Variants in PCDHA4 observed in about 807,000 individuals in gnomAD.
PCDHA4 encodes protocadherin alpha 4.
Under a neutral mutation model 61.4 loss-of-function variants are expected in PCDHA4, and 49 were observed. The ratio of observed to expected loss-of-function variants is 0.80; its 90% confidence interval spans 0.63 to 1.01. PCDHA4 has a LOEUF of 1.01. Ranked by LOEUF, PCDHA4 falls within the 50% of genes least tolerant of loss-of-function variation. The pLI is 0.00. For missense variants in PCDHA4, 1,254 were observed against 1,235.8 expected (o/e 1.01, Z -0.22); for synonymous variants, 590 against 550.3 (o/e 1.07, Z -1.01).
chr5:140,973,450 T>C (rs1326852534), intron 1 of PCDHA4, among the ~76,000 whole-genome samples: 1 of 152,250 alleles, frequency 6.6e-6, no homozygotes, highest in Non-Finnish European at 1.5e-5. Context: ...TTATAATGAC[T>C]GGGGCTGTTT....
chr5:140,985,228 C>G (rs1022229644), intron 3 of PCDHA4, among the ~76,000 whole-genome samples: 4 of 152,156 alleles, frequency 2.6e-5, no homozygotes, highest in Non-Finnish European at 4.4e-5. Context: ...TGAGCCACCG[C>G]GCCTGGCCTA....
At chr5:140,856,242 T>C (rs1202551683) in intron 1 of PCDHA4, 3 of 1,597,874 alleles carry the variant, frequency 1.9e-6, no homozygotes, top group Admixed American at 1.7e-5. Flanking sequence ...CTGTTCCGGG[T>C]GGCGTCCAAA....
intron 1 of PCDHA4, among the ~76,000 whole-genome samples, chr5:140,944,948 A>T (rs1425847139): frequency 6.6e-6 from 1 of 152,200 alleles, no homozygotes; most frequent in African/African-American, 2.4e-5. Context: ...ATGATTGTGA[A>T]TAAGAGTATT....
intron 1 of PCDHA4, among the ~76,000 whole-genome samples, chr5:140,962,929 A>T (rs1386992197): frequency 1.3e-5 from 2 of 152,070 alleles, no homozygotes; most frequent in Non-Finnish European, 2.9e-5. Context: ...ATACTTCTCA[A>T]CCTCCTCTCC....
intron 1 of PCDHA4, chr5:140,851,731 T>C (rs1554145521): frequency 3.1e-6 from 3 of 971,456 alleles, no homozygotes; most frequent in African/African-American, 3.5e-5. Flanking sequence ...TCGAGTTCTT[T>C]TGAAATTCAG....
chr5:140,827,582 C>A (rs1466478514), intron 1 of PCDHA4, among the ~76,000 whole-genome samples: 2 of 152,094 alleles, frequency 1.3e-5, no homozygotes, highest in African/African-American at 4.8e-5. Context: ...ATAGCATGTC[C>A]TAGGAAAGAC....
In PCDHA4 at chr5:140,842,941, G is replaced by T. The variant is rs1388720747; in HGVS notation, c.2385+33369G>T. 6 of 1,594,648 alleles carry T rather than the reference G, an allele frequency of 3.8e-6. No homozygotes were observed. The East Asian group carries it at 8.9e-5, about 24-fold the overall frequency. ...AGTTCCAGGTGAGCGCGCGCGACGC[G>T]GGCGTGCCGCCTCTGGGCAGCAACG... On this transcript the variant is annotated intron_variant, in intron 1 of 3. Coordinates refer to ENST00000530339, the MANE Select transcript of PCDHA4 (RefSeq NM_018907.4).
At chr5:140,850,907 T>A (rs2150501889) in intron 1 of PCDHA4, 1 of 1,548,270 alleles carries the variant, frequency 6.5e-7, no homozygotes, top group East Asian at 2.3e-5. Flanking sequence ...TTTCTAGCAT[T>A]TTATTTATTT....
At chr5:140,882,050 T>TA (rs1260382802) in intron 1 of PCDHA4, 7 of 756,632 alleles carry the variant, frequency 9.3e-6, no homozygotes, top group African/African-American at 3.5e-5. Context: ...GAGTCATACT[T>TA]ACACTTACAC....
In PCDHA4 at chr5:140,971,075, T is replaced by C. The variant is rs560795307; in HGVS notation, c.2386-7874T>C. 1.4e-4 allele frequency among the ~76,000 whole-genome samples: 22 copies of C among 152,322 alleles called. No homozygotes were observed. The South Asian group carries it at 3.7e-3, about 26-fold the overall frequency. ...CTTTAAATAAGGTTGCTGTAGACAT[T>C]TGCTTAACAAATTCTTGTGAAGCCC... is the stretch of plus-strand genomic sequence containing the variant. On this transcript the variant is annotated intron_variant, in intron 1 of 3. Transcript: ENST00000530339.
intron 1 of PCDHA4, among the ~76,000 whole-genome samples, chr5:140,947,543 G>T (rs1013985097): frequency 6.6e-5 from 10 of 151,548 alleles, no homozygotes; most frequent in Non-Finnish European, 1.2e-4. Flanking sequence ...TTTCTACAAA[G>T]AATTCCGCTG....
At chr5:140,969,593 T>C (rs2153780223) in intron 1 of PCDHA4, 1 of 829,524 alleles carries the variant, frequency 1.2e-6, no homozygotes, top group Non-Finnish European at 1.8e-6. Context: ...AGTCTTAATA[T>C]TTAATGCTAA....
At chr5:140,866,092 G>C (rs1167702930) in intron 1 of PCDHA4, 1 of 152,100 alleles carries the variant, frequency 6.6e-6, no homozygotes, top group Non-Finnish European at 1.5e-5. Context: ...TTATGTAATT[G>C]TTAAGTAATT....
intron 1 of PCDHA4, chr5:140,859,978 C>T (rs1554152894): frequency 6.6e-6 from 1 of 151,802 alleles, no homozygotes. Context: ...TATACAAGTG[C>T]ATTAATCTCT....
chr5:140,856,715 G>C, intron 1 of PCDHA4: 2 of 1,596,442 alleles, frequency 1.3e-6, no homozygotes, highest in African/African-American at 1.3e-5. Flanking sequence ...TGAATTTACC[G>C]GATCTGTTTC....
chr5:140,834,356 G>A, intron 1 of PCDHA4: 1 of 1,542,744 alleles, frequency 6.5e-7, no homozygotes, highest in Non-Finnish European at 8.7e-7. Context: ...AAGTTTTGCT[G>A]ACTAGAAAAA....
intron 1 of PCDHA4, chr5:140,823,448 A>G (rs1446735844): frequency 6.2e-7 from 1 of 1,613,308 alleles, no homozygotes; most frequent in African/African-American, 1.3e-5. Context: ...CTGGACGAGA[A>G]CGACAACGCG....
rs2150110873 is a variant in PCDHA4, at chr5:140,821,821, C to T, written c.2385+12249C>T. The T allele has an allele frequency of 6.2e-7, 1 of 1,614,102 alleles. No homozygotes were observed. The highest frequency in any genetic ancestry group is 2.2e-5 in the East Asian group (1 of 44,886). On this transcript the variant is annotated intron_variant, in intron 1 of 3. Coordinates refer to ENST00000530339, the MANE Select transcript of PCDHA4 (RefSeq NM_018907.4). ...AAGTCTGGGATCCCGGCTCCTGCTG[C>T]TCTGGCTTCTCCTTGCCTACTGGAA...
chr5:141,000,972 CT>C (rs2097980392), intron 3 of PCDHA4, among the ~76,000 whole-genome samples: 1 of 151,780 alleles, frequency 6.6e-6, no homozygotes, highest in Non-Finnish European at 1.5e-5. Context: ...CTTCATATTC[CT>C]TTTTTATAAA....
Sources: gnomAD v4.1 joint callset for allele counts (sites outside exome capture counted in the v4.1 genomes callset) on GRCh38, gnomAD v4.1.1 for gene constraint, MANE v1.5 for transcripts, NCBI Gene and HGNC (gene_info 2026-07-23, HGNC 2026-07-21) for gene names.